Variants in SLC9A6 observed in about 807,000 individuals in gnomAD.
SLC9A6 encodes sodium/hydrogen exchanger 6.
In SLC9A6, 6 loss-of-function variants were observed where a neutral mutation model predicts 45.3. The ratio of observed to expected loss-of-function variants is 0.13; its 90% CI spans 0.07 to 0.26. The LOEUF (loss-of-function observed/expected upper bound fraction) is 0.26, where lower values mean the gene tolerates loss of function less well. Ranked by LOEUF, SLC9A6 falls within the 10% of genes least tolerant of loss-of-function variation. The pLI, the probability that SLC9A6 is intolerant of heterozygous loss-of-function variation, is 1.00. For synonymous variants in SLC9A6, 191 were observed against 187.7 expected (o/e 1.02, Z -0.14); for missense variants, 278 against 503.7 (o/e 0.55, Z 4.29).
chrX:136,020,567 C>T (rs781805225), intron 11 of SLC9A6, among the ~76,000 whole-genome samples: 4 of 111,395 alleles, frequency 3.6e-5, no homozygotes, highest in South Asian at 3.7e-4. Flanking sequence ...GGCAGGGTTT[C>T]GCCATGTTGG....
intron 15 of SLC9A6, among the ~76,000 whole-genome samples, chrX:136,030,624 C>T: frequency 9.0e-6 from 1 of 111,705 alleles, no homozygotes; most frequent in East Asian, 2.8e-4. Flanking sequence ...AACCAGTCTT[C>T]CCTGCCTGCT....
At chrX:135,993,093 G>A (rs12011582) in intron 2 of SLC9A6, among the ~76,000 whole-genome samples, 8,278 of 111,931 alleles carry the variant, frequency 0.074, 322 homozygotes, top group African/African-American at 0.16. Flanking sequence ...ATGAAATATC[G>A]TTTGGTCGTA....
chrX:135,990,330 A>G (rs1035808044), intron 2 of SLC9A6, among the ~76,000 whole-genome samples: 3 of 111,677 alleles, frequency 2.7e-5, no homozygotes, highest in African/African-American at 9.8e-5. Flanking sequence ...TTAAAGTTTC[A>G]TAATATAAAT....
chrX:135,985,584 C>T lies in SLC9A6; in HGVS notation c.-56-19C>T, dbSNP rs781947192. The T allele has an allele frequency of 8.3e-7, 1 of 1,205,927 alleles. No homozygotes were observed. The highest frequency in any genetic ancestry group is 1.1e-6 in the Non-Finnish European group (1 of 893,343). Reference sequence around the variant, plus strand: ...CCGAGCCCGCAGGCTCATGCGGCCCCTTTGGTTGCTCCTCGCAGTGGGCGT... The same window carrying T: ...CCGAGCCCGCAGGCTCATGCGGCCCTTTTGGTTGCTCCTCGCAGTGGGCGT... On this transcript the variant is annotated intron_variant, in intron 1 of 17. Transcript: ENST00000630721.
At chrX:136,004,984 G>C (rs1226205513) in intron 7 of SLC9A6, among the ~76,000 whole-genome samples, 1 of 112,383 alleles carries the variant, frequency 8.9e-6, no homozygotes, top group East Asian at 2.8e-4. Context: ...AAAGTAAAGA[G>C]AGTAGGTACA....
chrX:135,988,793 C>T (rs1232847140), intron 2 of SLC9A6, among the ~76,000 whole-genome samples: 8 of 107,804 alleles, frequency 7.4e-5, no homozygotes, highest in East Asian at 5.8e-4. Context: ...TGTGGTGACG[C>T]GAGTGTGGGG....
chrX:135,986,879 T>C (rs1556615043), intron 2 of SLC9A6, among the ~76,000 whole-genome samples: 2 of 111,718 alleles, frequency 1.8e-5, no homozygotes, highest in East Asian at 5.6e-4. Context: ...CAATTCTTTC[T>C]GTGCAGTACA....
intron 13 of SLC9A6, among the ~76,000 whole-genome samples, chrX:136,028,087 G>A (rs1480153422): frequency 8.9e-6 from 1 of 112,227 alleles, no homozygotes; most frequent in Admixed American, 9.4e-5. Flanking sequence ...CCACTCTTAT[G>A]TTGGTGCAAC....
chrX:135,986,042 T>C (rs1303242212), intron 2 of SLC9A6, among the ~76,000 whole-genome samples: 4 of 108,779 alleles, frequency 3.7e-5, no homozygotes, highest in Non-Finnish European at 7.6e-5. Flanking sequence ...TCCACACCTT[T>C]TTCGCTTCCG....
chrX:136,020,297 A>G (rs782134354), intron 11 of SLC9A6, among the ~76,000 whole-genome samples: 1 of 111,579 alleles, frequency 9.0e-6, no homozygotes, highest in African/African-American at 3.3e-5. Context: ...TTTTTCACAC[A>G]GGAGATTTAT....
chrX:136,026,537 GTTCT>G (rs2071228980), intron 13 of SLC9A6, among the ~76,000 whole-genome samples: 1 of 109,756 alleles, frequency 9.1e-6, no homozygotes, highest in South Asian at 3.9e-4. Context: ...CAACTCAGTG[GTTCT>G]TTTTTTTTTT....
intron 11 of SLC9A6, among the ~76,000 whole-genome samples, chrX:136,021,768 C>T (rs781960243): frequency 5.4e-4 from 61 of 111,978 alleles, no homozygotes; most frequent in Non-Finnish European, 9.0e-4. Flanking sequence ...CTCAAGCTAT[C>T]CTCCCGCCCC....
At chrX:136,010,236 A>AC in intron 7 of SLC9A6, 1 of 224,586 alleles carries the variant, frequency 4.5e-6, no homozygotes, top group Non-Finnish European at 8.3e-6. Flanking sequence ...CCCCCCCCCG[A>AC]AATTAACATT....
At chrX:135,981,543 AAGTT>A (rs1267007784), upstream of SLC9A6, among the ~76,000 whole-genome samples, 4 of 111,503 alleles carry the variant, frequency 3.6e-5, no homozygotes, top group East Asian at 2.8e-4. Context: ...AGACAAGTAG[AAGTT>A]AGTTAGGTGA....
At chrX:135,996,992 T>C (rs1236891633) in intron 3 of SLC9A6, among the ~76,000 whole-genome samples, 4 of 111,175 alleles carry the variant, frequency 3.6e-5, no homozygotes, top group Non-Finnish European at 7.6e-5. Flanking sequence ...GGTCTCGATC[T>C]CCTGACTTTG....
chrX:135,978,921 C>G (rs1364300321), intron 1 of SLC9A6, among the ~76,000 whole-genome samples: 4 of 110,598 alleles, frequency 3.6e-5, no homozygotes. Context: ...GACCACCACA[C>G]CAGATACCAC....
intron 11 of SLC9A6, among the ~76,000 whole-genome samples, chrX:136,017,386 C>T (rs149452092): frequency 0.016 from 1,660 of 106,884 alleles, 25 homozygotes; most frequent in African/African-American, 0.053. Flanking sequence ...TCACTGCAGT[C>T]CAGACTGGGT....
Position 136,045,105 on chromosome X carries a change from G to A in SLC9A6, c.*381G>A. The A allele has an allele frequency of 6.5e-6, 1 of 154,217 alleles. No individual in the cohort carries two copies. The highest frequency in any genetic ancestry group is 2.9e-3 in the Middle Eastern group (1 of 349). 12.7% of individuals were successfully genotyped at this position (154,217 alleles called of 1,213,427 possible). On this transcript the variant is annotated 3_prime_UTR_variant, in exon 18 of 18. Transcript: ENST00000630721. ...TAATTTTTTTGTGTGCTAGGGGAGG[G>A]AGAGTGAGGAGGGAGTGTTATTTCC...
At chrX:136,000,362 C>T (rs1373595681) in intron 6 of SLC9A6, among the ~76,000 whole-genome samples, 2 of 109,004 alleles carry the variant, frequency 1.8e-5, no homozygotes, top group Non-Finnish European at 3.8e-5. Flanking sequence ...TAAATTGCTT[C>T]CTTAAAGACC....
Sources: allele counts gnomAD v4.1 joint callset (sites outside exome capture counted in the v4.1 genomes callset), GRCh38; gene constraint gnomAD v4.1.1; transcripts MANE v1.5; gene names NCBI Gene and HGNC (gene_info 2026-07-23, HGNC 2026-07-21).